Variants in CPQ observed in about 807,000 individuals in gnomAD.
CPQ encodes Ser-Met dipeptidase.
In CPQ, 37 loss-of-function variants were observed where a neutral mutation model predicts 45.7. The observed-to-expected ratio is 0.81, with a 90% CI of 0.62 to 1.07. The LOEUF is 1.07. Among genes scored for constraint, CPQ ranks in the 50% least tolerant of loss-of-function variants. The pLI, the probability that CPQ is intolerant of heterozygous loss-of-function variation, is 0.00. For missense variants in CPQ, 537 were observed against 572.9 expected (o/e 0.94, Z 0.64); for synonymous variants, 186 against 205.8 (o/e 0.90, Z 0.82).
At chr8:96,716,625 C>A (rs1809676704) in intron 1 of CPQ, among the ~76,000 whole-genome samples, 1 of 152,078 alleles carries the variant, frequency 6.6e-6, no homozygotes, top group Non-Finnish European at 1.5e-5. Context: ...TAATGATCTC[C>A]AGCTAGGTGC....
At position 97,047,906 on chromosome 8, in the gene CPQ, A is replaced by G. The variant is rs146455034; in HGVS notation, c.1054-18103A>G. 5.5e-3 allele frequency among the ~76,000 whole-genome samples: 837 copies of G among 152,314 alleles called. 6 individuals are homozygous for G. Among genetic ancestry groups the G allele is most frequent in the African/African-American group, 0.019 (788 of 41,582 alleles). ...TTCATCTTCAAATAAAAGTGAGAAT[A>G]GAACCCTAACCTTTGAGAGATGGAA... On this transcript the variant is annotated intron_variant, in intron 6 of 7. Transcript: ENST00000220763.
intron 7 of CPQ, among the ~76,000 whole-genome samples, chr8:97,119,654 C>T (rs1811664364): frequency 6.6e-6 from 1 of 152,166 alleles, no homozygotes; most frequent in African/African-American, 2.4e-5. Context: ...TTAGTTCCCT[C>T]ATGTACCTCA....
At chr8:96,922,644 T>C (rs560602845) in intron 4 of CPQ, among the ~76,000 whole-genome samples, 15 of 152,218 alleles carry the variant, frequency 9.9e-5, no homozygotes, top group Admixed American at 6.5e-5. Flanking sequence ...AAGGAGTAAA[T>C]GTATGTTACA....
chr8:97,021,281 A>G (rs1809676090), intron 5 of CPQ, among the ~76,000 whole-genome samples: 1 of 152,196 alleles, frequency 6.6e-6, no homozygotes, highest in Non-Finnish European at 1.5e-5. Context: ...GAATGGGGAA[A>G]AGTTGAAAGC....
intron 1 of CPQ, among the ~76,000 whole-genome samples, chr8:96,744,375 C>T (rs903827433): frequency 5.3e-5 from 8 of 152,260 alleles, no homozygotes; most frequent in Non-Finnish European, 1.0e-4. Context: ...TGCCCACTGT[C>T]TGGCACTCCC....
chr8:96,746,941 T>C (rs1020770465), intron 1 of CPQ, among the ~76,000 whole-genome samples: 1 of 152,210 alleles, frequency 6.6e-6, no homozygotes, highest in Admixed American at 6.5e-5. Context: ...CACAGGTTTC[T>C]GACTCTTGGA....
At chr8:96,798,702 G>C (rs1810967244) in intron 2 of CPQ, among the ~76,000 whole-genome samples, 1 of 151,882 alleles carries the variant, frequency 6.6e-6, no homozygotes, top group Admixed American at 6.6e-5. Context: ...AGTTTTTAAA[G>C]ACTCATTTTT....
At chr8:96,966,682 C>A (rs548259197) in intron 5 of CPQ, among the ~76,000 whole-genome samples, 1 of 152,234 alleles carries the variant, frequency 6.6e-6, no homozygotes, top group South Asian at 2.1e-4. Context: ...AGCAGTTGCC[C>A]CATTTTGAGA....
chr8:96,883,082 G>A (rs1812250144), intron 4 of CPQ, among the ~76,000 whole-genome samples: 1 of 152,176 alleles, frequency 6.6e-6, no homozygotes, highest in Admixed American at 6.5e-5. Context: ...CTTTTGAGAT[G>A]TATCCATGTT....
At chr8:96,910,849 A>G (rs1307103602) in intron 4 of CPQ, among the ~76,000 whole-genome samples, 1 of 152,072 alleles carries the variant, frequency 6.6e-6, no homozygotes, top group African/African-American at 2.4e-5. Context: ...TAAGTTGGAA[A>G]TTCTGAAAGG....
At chr8:96,930,871 C>G (rs1586456539) in intron 4 of CPQ, among the ~76,000 whole-genome samples, 1 of 152,314 alleles carries the variant, frequency 6.6e-6, no homozygotes. Flanking sequence ...GTTTTTCCCA[C>G]AGAGAGACAT....
At chr8:97,125,717 A>T (rs1339444475) in intron 7 of CPQ, among the ~76,000 whole-genome samples, 1 of 152,218 alleles carries the variant, frequency 6.6e-6, no homozygotes, top group Non-Finnish European at 1.5e-5. Flanking sequence ...AGGAATAGTG[A>T]CAGCTTCCTC....
At chr8:96,808,602 G>A (rs1811116293) in intron 2 of CPQ, among the ~76,000 whole-genome samples, 1 of 152,150 alleles carries the variant, frequency 6.6e-6, no homozygotes, top group Non-Finnish European at 1.5e-5. Flanking sequence ...TAGGAGGAAA[G>A]GTATCCTCTT....
chr8:96,896,924 T>G (rs1459956104), intron 4 of CPQ, among the ~76,000 whole-genome samples: 1 of 152,204 alleles, frequency 6.6e-6, no homozygotes, highest in Non-Finnish European at 1.5e-5. Context: ...GTTATGGGTT[T>G]CTAGTCTAGG....
chr8:96,779,257 AT>A (rs200573853), intron 1 of CPQ, among the ~76,000 whole-genome samples: 1,662 of 151,970 alleles, frequency 0.011, 41 homozygotes, highest in African/African-American at 0.037. Context: ...CTGTCTTCAG[AT>A]GTTATGTCTT....
intron 1 of CPQ, among the ~76,000 whole-genome samples, chr8:96,655,284 C>G (rs1815625824): frequency 6.6e-6 from 1 of 151,810 alleles, no homozygotes; most frequent in African/African-American, 2.4e-5. Flanking sequence ...CTTTTTGCTC[C>G]TCTGATGAAT....
chr8:96,827,005 A>G (rs1337180705), intron 2 of CPQ, among the ~76,000 whole-genome samples: 1 of 152,014 alleles, frequency 6.6e-6, no homozygotes, highest in African/African-American at 2.4e-5. Context: ...TATATGTACC[A>G]CATTTTCTTA....
chr8:96,769,398 A>G (rs1338798788), intron 1 of CPQ, among the ~76,000 whole-genome samples: 1 of 151,958 alleles, frequency 6.6e-6, no homozygotes, highest in Non-Finnish European at 1.5e-5. Context: ...GCTTTTATTG[A>G]TTGCATGTGC....
chr8:96,955,513 GA>G, intron 4 of CPQ, among the ~76,000 whole-genome samples: 1 of 152,110 alleles, frequency 6.6e-6, no homozygotes, highest in South Asian at 2.1e-4. Context: ...CACAGAATTG[GA>G]AAAAACTACT....
Sources: allele counts gnomAD v4.1 joint callset (sites outside exome capture counted in the v4.1 genomes callset), GRCh38; gene constraint gnomAD v4.1.1; transcripts MANE v1.5; gene names NCBI Gene and HGNC (gene_info 2026-07-23, HGNC 2026-07-21).